RABGAP1L: variants seen among roughly 807,000 people sequenced by gnomAD.
RABGAP1L encodes the protein RAB GTPase activating protein 1 like.
In RABGAP1L, 63 loss-of-function variants were observed where a neutral mutation model predicts 137.7. That is an observed-to-expected ratio of 0.46 (90% CI 0.37 to 0.56). The LOEUF is 0.56. RABGAP1L is among the 20% of genes least tolerant of loss of function. RABGAP1L has a pLI of 0.00. For missense variants in RABGAP1L, 1,095 were observed against 1,244.0 expected (o/e 0.88, Z 1.80); for synonymous variants, 431 against 433.7 (o/e 0.99, Z 0.08).
intron 13 of RABGAP1L, among the ~76,000 whole-genome samples, chr1:174,522,550 T>G (rs1335308730): frequency 9.9e-5 from 13 of 131,962 alleles, no homozygotes; most frequent in Middle Eastern, 3.6e-3. Flanking sequence ...GGGAAGGAGG[T>G]GAGGGGAGGG....
intron 1 of RABGAP1L, among the ~76,000 whole-genome samples, chr1:174,178,405 A>G (rs1243973120): frequency 2.0e-5 from 3 of 152,178 alleles, no homozygotes; most frequent in Non-Finnish European, 4.4e-5. Flanking sequence ...TAGTTCAGCC[A>G]TTGTGGAAGA....
chr1:174,295,208 C>T (rs948030179), intron 10 of RABGAP1L, among the ~76,000 whole-genome samples: 1 of 150,884 alleles, frequency 6.6e-6, no homozygotes, highest in Non-Finnish European at 1.5e-5. Context: ...TGAGCCACTG[C>T]GCCCGGACTT....
chr1:174,203,472 G>C (rs542723176), intron 1 of RABGAP1L, among the ~76,000 whole-genome samples: 52 of 152,264 alleles, frequency 3.4e-4, no homozygotes, highest in Admixed American at 1.5e-3. Flanking sequence ...CTATGTGCCT[G>C]TTTTTGTACC....
chr1:174,673,474 A>G (rs1022547693), intron 14 of RABGAP1L, among the ~76,000 whole-genome samples: 5 of 152,196 alleles, frequency 3.3e-5, no homozygotes, highest in Non-Finnish European at 7.4e-5. Context: ...AAACGCAGTG[A>G]CCAAGATGCT....
At position 174,324,167 on chromosome 1, in the gene RABGAP1L, A is replaced by AT. The variant is rs1274031892; in HGVS notation, c.1465+19046dup. On this transcript the variant is annotated intron_variant, in intron 11 of 25. Coordinates refer to ENST00000681986, the MANE Select transcript of RABGAP1L (RefSeq NM_001366446.1). Reference sequence around the variant, plus strand: ...AAAGAGCTAAATTAGATCAATATTCATTTTTTCTCATGGCCATTTTGACAG... The same window carrying AT: ...AAAGAGCTAAATTAGATCAATATTCATTTTTTTCTCATGGCCATTTTGACAG... Among the ~76,000 whole-genome samples the AT allele has an allele frequency of 2.6e-5, 4 of 152,160 alleles. No homozygotes were observed. The East Asian group carries it at 5.8e-4, about 22-fold the overall frequency.
chr1:174,618,458 A>C (rs946669028), intron 13 of RABGAP1L, among the ~76,000 whole-genome samples: 2 of 152,204 alleles, frequency 1.3e-5, no homozygotes, highest in Non-Finnish European at 2.9e-5. Context: ...CAGAGGAATG[A>C]TCAGGCAGCA....
intron 13 of RABGAP1L, among the ~76,000 whole-genome samples, chr1:174,566,877 A>G (rs1667621118): frequency 6.6e-6 from 1 of 152,122 alleles, no homozygotes. Flanking sequence ...TGAAACAACT[A>G]TGTAGAAAAT....
At chr1:174,973,384 C>CTT (rs1373728383) in intron 21 of RABGAP1L, among the ~76,000 whole-genome samples, 5 of 94,066 alleles carry the variant, frequency 5.3e-5, no homozygotes, top group Non-Finnish European at 5.0e-5. Context: ...TCTTTCATTT[C>CTT]TTTTTTTTTT....
chr1:174,526,942 T>C (rs1663926905), intron 13 of RABGAP1L, among the ~76,000 whole-genome samples: 3 of 152,162 alleles, frequency 2.0e-5, no homozygotes, highest in Admixed American at 2.0e-4. Flanking sequence ...TCTTTTTACT[T>C]TTTAAATGTA....
chr1:174,688,358 T>A (rs1678631244), intron 15 of RABGAP1L, among the ~76,000 whole-genome samples: 1 of 152,138 alleles, frequency 6.6e-6, no homozygotes, highest in African/African-American at 2.4e-5. Context: ...TGTTCATTTT[T>A]AAGGTTAAAT....
intron 11 of RABGAP1L, among the ~76,000 whole-genome samples, chr1:174,332,411 T>TA (rs1681108167): frequency 1.4e-5 from 2 of 146,104 alleles, no homozygotes; most frequent in Non-Finnish European, 3.0e-5. Flanking sequence ...TTTATTTATT[T>TA]TTTGAGACGG....
At chr1:174,702,817 A>G (rs1679758222) in intron 17 of RABGAP1L, among the ~76,000 whole-genome samples, 1 of 152,014 alleles carries the variant, frequency 6.6e-6, no homozygotes, top group Admixed American at 6.5e-5. Flanking sequence ...ATATTTGTGT[A>G]TTTTATTGTT....
intron 7 of RABGAP1L, among the ~76,000 whole-genome samples, chr1:174,255,529 CTCTT>C (rs1016881675): frequency 3.3e-5 from 5 of 152,010 alleles, no homozygotes; most frequent in Admixed American, 6.6e-5. Flanking sequence ...GCTTTGCATT[CTCTT>C]TCTTTTTTTG....
intron 14 of RABGAP1L, among the ~76,000 whole-genome samples, chr1:174,637,955 A>G (rs1674198628): frequency 6.6e-6 from 1 of 152,140 alleles, no homozygotes; most frequent in South Asian, 2.1e-4. Context: ...TTTATATCCC[A>G]TTTTGAAATC....
chr1:174,564,740 T>C (rs1667454630), intron 13 of RABGAP1L, among the ~76,000 whole-genome samples: 1 of 152,164 alleles, frequency 6.6e-6, no homozygotes, highest in South Asian at 2.1e-4. Flanking sequence ...AGATGTCAAC[T>C]TCAGAGATGT....
intron 10 of RABGAP1L, among the ~76,000 whole-genome samples, chr1:174,279,490 C>CT (rs1366857601): frequency 6.6e-6 from 1 of 152,040 alleles, no homozygotes; most frequent in Non-Finnish European, 1.5e-5. Flanking sequence ...ATGCTTGCTG[C>CT]TTCATATACT....
intron 17 of RABGAP1L, among the ~76,000 whole-genome samples, chr1:174,717,447 A>T (rs1243224755): frequency 1.3e-5 from 2 of 152,174 alleles, no homozygotes; most frequent in African/African-American, 4.8e-5. Context: ...AGAATGAAAG[A>T]TAAATATCCA....
At chr1:174,805,149 A>C (rs1227528921) in intron 18 of RABGAP1L, among the ~76,000 whole-genome samples, 2 of 152,350 alleles carry the variant, frequency 1.3e-5, no homozygotes, top group East Asian at 3.9e-4. Flanking sequence ...GAGCCTTAAT[A>C]AATTCATGGA....
intron 13 of RABGAP1L, among the ~76,000 whole-genome samples, chr1:174,612,389 C>A (rs1671340758): frequency 6.6e-6 from 1 of 152,210 alleles, no homozygotes; most frequent in Non-Finnish European, 1.5e-5. Flanking sequence ...ACCAGCCTTG[C>A]ATCCCAGGGA....
Sources: gnomAD v4.1 joint callset for allele counts (sites outside exome capture counted in the v4.1 genomes callset) on GRCh38, gnomAD v4.1.1 for gene constraint, MANE v1.5 for transcripts, NCBI Gene and HGNC (gene_info 2026-07-23, HGNC 2026-07-21) for gene names.